GJC2: variants seen among roughly 807,000 people sequenced by gnomAD.
The protein encoded by GJC2 is gap junction gamma-2 protein.
For missense variants in GJC2, 647 were observed against 648.9 expected, an observed-to-expected ratio of 1.00 and a Z score of 0.03; for synonymous variants, 336 against 307.5, an observed-to-expected ratio of 1.09 and a Z score of -0.97.
Position 228,158,759 on chromosome 1 carries a change from G to A in GJC2, c.1001G>A (p.Ser334Asn). 1 of 1,395,802 alleles carries A rather than the reference G, an allele frequency of 7.2e-7. No homozygotes were observed. Among genetic ancestry groups the A allele is most frequent in the Non-Finnish European group, 9.3e-7 (1 of 1,074,460 alleles). 86.5% of individuals were successfully genotyped at this position (1,395,802 alleles called of 1,614,324 possible). The part of the protein sequence containing the change: ...AAGLACPPDY[S>N]LVVRAAERAR... ...GGCTTGGCCTGCCCGCCCGACTACA[G>A]CCTGGTGGTGCGGGCGGCCGAGCGC... The change falls in exon 2 of 2, where the codon AGC (serine) becomes AAC (asparagine). Residue 334 changes from serine (S) to asparagine (N), a missense_variant. Coordinates refer to ENST00000366714, the MANE Select transcript of GJC2 (RefSeq NM_020435.4). The surrounding 1 kb of genome is among the most constrained non-coding windows in gnomAD (Gnocchi z 8.3).
In GJC2 at chr1:228,159,066, C is replaced by A. The variant is rs751678965; in HGVS notation, c.1308C>A (p.Thr436=). 1.1e-5 allele frequency: 18 copies of A among 1,610,372 alleles called. No homozygotes were observed. In the South Asian group the frequency reaches 1.9e-4, roughly 17 times the overall value. ...CCAGCAGCAGGGACGGGAAGACCAC[C>A]GTGTGGATCTGAGGGCGCTGGCTTG... ...GSASSRDGKT[T]VWI is the part of the protein sequence containing the mutation. Residue 436 remains threonine (T), a synonymous_variant, in exon 2 of 2, where the codon ACC becomes ACA. Transcript: ENST00000366714. The surrounding 1 kb of genome is among the most constrained non-coding windows in gnomAD (Gnocchi z 4.0).
rs2034630546 is a variant in GJC2 at position 228,152,572 on chromosome 1, C to T, written c.-20+2565C>T. The stretch of plus-strand genomic sequence containing the variant: ...AAACCCTTCCCAGAGGTGGCCCCCA[C>T]TGTGAGCCCCCATGGTGAGTCCCTT... On this transcript the variant is annotated intron_variant, in intron 1 of 1. Coordinates refer to ENST00000366714, the MANE Select transcript of GJC2 (RefSeq NM_020435.4). The surrounding 1 kb of genome is among the most constrained non-coding windows in gnomAD (Gnocchi z 7.3). Among the ~76,000 whole-genome samples the T allele has an allele frequency of 6.6e-6, 1 of 152,094 alleles. No individual in the cohort carries two copies. Among genetic ancestry groups the T allele is most frequent in the South Asian group, 2.1e-4 (1 of 4,832 alleles).
At chr1:228,156,462 G>A (rs1558118974) in intron 1 of GJC2, among the ~76,000 whole-genome samples, 1 of 152,224 alleles carries the variant, frequency 6.6e-6, no homozygotes, top group East Asian at 1.9e-4. Context: ...TGAATCTGTG[G>A]GTATGTATCT....
Position 228,158,262 on chromosome 1 carries a change from AGCGGAGGAGGCAGGC to A in GJC2, c.516_530del (p.Gly173_Ala177del). 1 of 1,520,148 alleles carries A rather than the reference AGCGGAGGAGGCAGGC, an allele frequency of 6.6e-7. No homozygotes were observed. The highest frequency in any genetic ancestry group is 8.8e-7 in the Non-Finnish European group (1 of 1,136,732). 94.2% of individuals were successfully genotyped at this position (1,520,148 alleles called of 1,614,324 possible). On this transcript the variant is annotated inframe_deletion, in exon 2 of 2. Coordinates refer to ENST00000366714, the MANE Select transcript of GJC2 (RefSeq NM_020435.4). The surrounding 1 kb of genome is among the most constrained non-coding windows in gnomAD (Gnocchi z 8.3). ...GGGCAGCCGAGGGCGCCGGCGAGGA[AGCGGAGGAGGCAGGC>A]GCGGAGGAGGCGTGCACTAAGGCGG...
Position 228,158,956 on chromosome 1 carries a change from G to A in GJC2, c.1198G>A (p.Ala400Thr), listed in dbSNP as rs1161701578. 2 of 1,579,406 alleles carry A rather than the reference G, an allele frequency of 1.3e-6. No homozygotes were observed. Among genetic ancestry groups the A allele is most frequent in the Non-Finnish European group, 1.7e-6 (2 of 1,165,004 alleles). Residue 400 changes from alanine to threonine, a missense_variant, in exon 2 of 2, where the codon GCG becomes ACG. Physicochemically the swap from Ala to Thr is moderately conservative, Grantham distance 58. Transcript: ENST00000366714. This position sits in a 1 kb window ranked among gnomAD's most constrained non-coding sequence, Gnocchi z 8.3. The part of the protein sequence containing the change: ...PASRTGSATS[A>T]GTVGEQGRPG... ...GTCCCGGACGGGCAGTGCTACCTCT[G>A]CGGGCACTGTCGGGGAGCAGGGCCG...
In GJC2 at chr1:228,150,286, C is replaced by T. The variant is rs1375666764; in HGVS notation, c.-20+279C>T. ...CCAACCGGTGGGGTCTGCTCTGGGA[C>T]AGCTGGCAAGCGGGAGGGGGGTGCC... On this transcript the variant is annotated intron_variant, in intron 1 of 1. Coordinates refer to ENST00000366714, the MANE Select transcript of GJC2 (RefSeq NM_020435.4). This position sits in a 1 kb window ranked among gnomAD's most constrained non-coding sequence, Gnocchi z 4.6. 6.6e-6 allele frequency among the ~76,000 whole-genome samples: 1 copy of T among 152,156 alleles called. No homozygotes were observed. The highest frequency in any genetic ancestry group is 1.5e-5 in the Non-Finnish European group (1 of 68,016).
chr1:228,156,765 A>G (rs904117389), intron 1 of GJC2, among the ~76,000 whole-genome samples: 5 of 152,216 alleles, frequency 3.3e-5, no homozygotes, highest in Non-Finnish European at 7.4e-5. Context: ...CCGCCAGCAG[A>G]GGGTGGGCAG....
chr1:228,156,547 C>G (rs930099121), intron 1 of GJC2, among the ~76,000 whole-genome samples: 1 of 152,244 alleles, frequency 6.6e-6, no homozygotes, highest in African/African-American at 2.4e-5. Flanking sequence ...GGCCACTTCC[C>G]CAGGAACCCT....
Position 228,158,492 on chromosome 1 carries a change from G to A in GJC2, c.734G>A (p.Cys245Tyr). The change falls in exon 2 of 2, where the codon TGC becomes TAC. Residue 245 changes from cysteine to tyrosine, a missense_variant. By Grantham distance (194) the Cys-to-Tyr change is radical. Coordinates refer to ENST00000366714, the MANE Select transcript of GJC2 (RefSeq NM_020435.4). This position sits in a 1 kb window ranked among gnomAD's most constrained non-coding sequence, Gnocchi z 8.3. The part of the protein sequence containing the change: ...YGFEVRPFFP[C>Y]SRQPCPHVVD... ...TTCGAGGTGCGACCGTTCTTTCCCT[G>A]CAGCCGCCAGCCCTGCCCGCACGTG... is the stretch of plus-strand genomic sequence containing the variant. The A allele has an allele frequency of 6.2e-7, 1 of 1,612,476 alleles. No homozygotes were observed. Among genetic ancestry groups the A allele is most frequent in the South Asian group, 1.1e-5 (1 of 91,088 alleles).
Position 228,150,310 on chromosome 1 carries a change from C to T in GJC2, c.-20+303C>T, listed in dbSNP as rs569881503. 5.5e-4 allele frequency among the ~76,000 whole-genome samples: 83 copies of T among 152,232 alleles called. No homozygotes were observed. Among genetic ancestry groups the T allele is most frequent in the Middle Eastern group, 3.4e-3 (1 of 294 alleles). ...ACAGCTGGCAAGCGGGAGGGGGGTG[C>T]CTTCAGTACCTCCCCCAGCAGCTGG... On this transcript the variant is annotated intron_variant, in intron 1 of 1. Coordinates refer to ENST00000366714, the MANE Select transcript of GJC2 (RefSeq NM_020435.4). This position sits in a 1 kb window ranked among gnomAD's most constrained non-coding sequence, Gnocchi z 4.6.
intron 1 of GJC2, among the ~76,000 whole-genome samples, chr1:228,154,218 T>C (rs2124963747): frequency 6.6e-6 from 1 of 152,284 alleles, no homozygotes; most frequent in Non-Finnish European, 1.5e-5. Context: ...AGTCACCGTG[T>C]CTCCCTGGAC....
intron 1 of GJC2, among the ~76,000 whole-genome samples, chr1:228,153,857 A>G (rs1647427036): frequency 6.6e-6 from 1 of 152,002 alleles, no homozygotes. Flanking sequence ...CTGGGATTAC[A>G]GGCATGAGCC....
rs2034722478 is a variant in GJC2, at chr1:228,158,630, T to C, written c.872T>C (p.Leu291Ser). The change falls in exon 2 of 2, where the codon TTG becomes TCG. Residue 291 changes from leucine to serine, a missense_variant. Transcript: ENST00000366714. The surrounding 1 kb of genome is among the most constrained non-coding windows in gnomAD (Gnocchi z 8.3). The stretch of plus-strand genomic sequence containing the variant: ...CTCTGTGAGATGGCCCACCTGGGCT[T>C]GGGCAGCGCGCAGGACGCGGTGCGC... ...LNLCEMAHLGLGSAQDAVRGR... is the reference protein window; with the variant it reads ...LNLCEMAHLGSGSAQDAVRGR... 5 of 1,607,710 alleles carry C rather than the reference T, an allele frequency of 3.1e-6. No homozygotes were observed. Among genetic ancestry groups the C allele is most frequent in the Non-Finnish European group, 4.2e-6 (5 of 1,177,808 alleles).
chr1:228,158,488 C>T lies in GJC2; in HGVS notation c.730C>T (p.Pro244Ser). 6.2e-7 allele frequency: 1 copy of T among 1,612,490 alleles called. No homozygotes were observed. Among genetic ancestry groups the T allele is most frequent in the Non-Finnish European group, 8.5e-7 (1 of 1,179,626 alleles). The change falls in exon 2 of 2, where the codon CCC becomes TCC. Residue 244 changes from proline (P) to serine (S), a missense_variant. Coordinates refer to ENST00000366714, the MANE Select transcript of GJC2 (RefSeq NM_020435.4). The surrounding 1 kb of genome is among the most constrained non-coding windows in gnomAD (Gnocchi z 8.3). The stretch of plus-strand genomic sequence containing the variant: ...CGGCTTCGAGGTGCGACCGTTCTTT[C>T]CCTGCAGCCGCCAGCCCTGCCCGCA... The part of the protein sequence containing the change: ...LYGFEVRPFF[P>S]CSRQPCPHVV...
intron 1 of GJC2, among the ~76,000 whole-genome samples, chr1:228,153,807 T>C (rs1197635816): frequency 6.6e-6 from 1 of 151,974 alleles, no homozygotes; most frequent in Admixed American, 6.6e-5. Context: ...GGTCTTGAAC[T>C]CCTGACCTCA....
In GJC2 at chr1:228,158,165, C is replaced by G. The variant is rs1342309754; in HGVS notation, c.407C>G (p.Pro136Arg). 1 of 1,389,324 alleles carries G rather than the reference C, an allele frequency of 7.2e-7. No homozygotes were observed. Among genetic ancestry groups the G allele is most frequent in the Admixed American group, 3.2e-5 (1 of 31,250 alleles). 86.1% of individuals were successfully genotyped at this position (1,389,324 alleles called of 1,614,324 possible). A position where few individuals can be genotyped will look rare whatever the true frequency, so the allele number is the denominator to read the frequency against. The change falls in exon 2 of 2, where the codon CCT becomes CGT. Residue 136 changes from proline (P) to arginine (R), a missense_variant. Coordinates refer to ENST00000366714, the MANE Select transcript of GJC2 (RefSeq NM_020435.4). The surrounding 1 kb of genome is among the most constrained non-coding windows in gnomAD (Gnocchi z 8.3). ...CTGCCGCCCCCGCACGCCGGCTGGC[C>G]TGAGCCCGCCGACCTGGGCGAGGAG... Reference protein sequence around the residue: ...AHLPPPHAGWPEPADLGEEEP... With the variant: ...AHLPPPHAGWREPADLGEEEP...
chr1:228,157,741 A>AGGCCCCC lies in GJC2; in HGVS notation c.-18_-17insGGCCCCC. Reference sequence around the variant, plus strand: ...GCTGACCCCTACCCCGCCCCACAGGACCCGCCCGCCCGCCCCTATGACCAA... The same window carrying AGGCCCCC: ...GCTGACCCCTACCCCGCCCCACAGGAGGCCCCCCCCGCCCGCCCGCCCCTATGACCAA... On this transcript the variant is annotated splice_region_variant and 5_prime_UTR_variant, in exon 2 of 2. Coordinates refer to ENST00000366714, the MANE Select transcript of GJC2 (RefSeq NM_020435.4). 3 of 354,470 alleles carry AGGCCCCC rather than the reference A, an allele frequency of 8.5e-6. No individual in the cohort carries two copies. The highest frequency in any genetic ancestry group is 3.8e-5 in the South Asian group (2 of 52,106). The allele number at this position is 354,470 out of a possible 1,614,324, so 22.0% of individuals were successfully genotyped here.
chr1:228,158,112 G>C lies in GJC2; in HGVS notation c.354G>C (p.Pro118=), dbSNP rs755057463. Reference sequence around the variant, plus strand: ...GGCGCCGCGCCCTCCGCCGCCGCCCGGGGCCACGCCGCGCGCCCCGAGCGC... The same window carrying C: ...GGCGCCGCGCCCTCCGCCGCCGCCCCGGGCCACGCCGCGCGCCCCGAGCGC... ...QERRRALRRR[P]GPRRAPRAHL... Residue 118 remains proline, a synonymous_variant, in exon 2 of 2, where the codon CCG becomes CCC. Transcript: ENST00000366714. This position sits in a 1 kb window ranked among gnomAD's most constrained non-coding sequence, Gnocchi z 8.3. The C allele has an allele frequency of 7.0e-6, 9 of 1,288,086 alleles. No individual in the cohort carries two copies. The highest frequency in any genetic ancestry group is 8.9e-6 in the Non-Finnish European group (9 of 1,014,730). 79.8% of individuals were successfully genotyped at this position (1,288,086 alleles called of 1,614,324 possible). A position where few individuals can be genotyped will look rare whatever the true frequency, so the allele number is the denominator to read the frequency against.
rs951123855 is a variant in GJC2 at position 228,152,609 on chromosome 1, C to T, written c.-20+2602C>T. 6.6e-5 allele frequency among the ~76,000 whole-genome samples: 10 copies of T among 151,830 alleles called. No individual in the cohort carries two copies. Among genetic ancestry groups the T allele is most frequent in the Admixed American group, 6.6e-5 (1 of 15,262 alleles). ...ATGGTGAGTCCCTTTGCTCTTGCTG[C>T]GCACCCCTTTGAAGCCCTTCCTGTG... On this transcript the variant is annotated intron_variant, in intron 1 of 1. Coordinates refer to ENST00000366714, the MANE Select transcript of GJC2 (RefSeq NM_020435.4). The surrounding 1 kb of genome is among the most constrained non-coding windows in gnomAD (Gnocchi z 7.3).
Sources: gnomAD v4.1 joint callset for allele counts (sites outside exome capture counted in the v4.1 genomes callset) on GRCh38, gnomAD v4.1.1 for gene constraint, Gnocchi (gnomAD v3.1) non-coding constraint, MANE v1.5 for transcripts, NCBI Gene and HGNC (gene_info 2026-07-23, HGNC 2026-07-21) for gene names.